Variants in ZNF385C observed in about 807,000 individuals in gnomAD.
The protein encoded by ZNF385C is zinc finger protein 385C, also known as CTD-2132N18.2.
Under a neutral mutation model 35.4 loss-of-function variants are expected in ZNF385C, and 28 were observed. That is an observed-to-expected ratio of 0.79 (90% CI 0.59 to 1.08). The LOEUF is 1.08. Ranked by LOEUF, ZNF385C falls within the 50% of genes least tolerant of loss-of-function variation. The probability of loss-of-function intolerance (pLI) is 0.00; values close to 1 mark genes in which losing one functional copy is unlikely to be tolerated. For missense variants in ZNF385C, 605 were observed against 595.6 expected (o/e 1.02, Z -0.16); for synonymous variants, 248 against 248.2 (o/e 1.00, Z 0.01).
At chr17:42,069,990 C>T (rs782193848) in intron 1 of ZNF385C, among the ~76,000 whole-genome samples, 17 of 151,716 alleles carry the variant, frequency 1.1e-4, no homozygotes, top group Admixed American at 4.6e-4. Context: ...TGCAATGAGC[C>T]GAGATTGCAC....
chr17:42,040,885 G>A (rs1555656080), intron 2 of ZNF385C: 6 of 1,232,244 alleles, frequency 4.9e-6, no homozygotes, highest in Middle Eastern at 3.1e-4. Flanking sequence ...CCGGAGCTGT[G>A]GGCCCACACT....
intron 1 of ZNF385C, among the ~76,000 whole-genome samples, chr17:42,080,277 TCTTA>T (rs2053734553): frequency 6.6e-6 from 1 of 152,176 alleles, no homozygotes; most frequent in Non-Finnish European, 1.5e-5. Context: ...CCACCTTTCC[TCTTA>T]CTTAAAGAGC....
intron 2 of ZNF385C, chr17:42,041,301 A>T (rs2053015456): frequency 1.1e-6 from 1 of 926,768 alleles, no homozygotes; most frequent in East Asian, 3.3e-5. Flanking sequence ...GGTTAGACAG[A>T]CTTAGGGACT....
intron 1 of ZNF385C, among the ~76,000 whole-genome samples, chr17:42,094,082 C>A (rs1555660792): frequency 6.6e-6 from 1 of 151,768 alleles, no homozygotes; most frequent in Non-Finnish European, 1.5e-5. Flanking sequence ...CTCCCAGGTA[C>A]AAACGATTCT....
rs190341719 is a variant in ZNF385C, at chr17:42,087,870, A to G, written c.-3+10540T>C. The stretch of plus-strand genomic sequence containing the variant: ...CTATAACCAATATACTGTTACAGCC[A>G]AATTTTGATGTCCTTTTGCACATAC... On this transcript the variant is annotated intron_variant, in intron 1 of 8. Coordinates refer to ENST00000692273, the MANE Select transcript of ZNF385C (RefSeq NM_001392013.1). Among the ~76,000 whole-genome samples the G allele has an allele frequency of 2.5e-3, 382 of 152,348 alleles. 1 individual carries two copies. Among genetic ancestry groups the G allele is most frequent in the Non-Finnish European group, 3.5e-3 (235 of 68,032 alleles).
chr17:42,054,606 G>A (rs1051569859), intron 2 of ZNF385C, among the ~76,000 whole-genome samples: 2 of 146,474 alleles, frequency 1.4e-5, no homozygotes, highest in African/African-American at 2.5e-5. Flanking sequence ...TTCTGAAGCA[G>A]TGTTTCGCCC....
intron 8 of ZNF385C, 61 bp from the exon 9 acceptor site, chr17:42,027,194 G>A: frequency 6.8e-7 from 1 of 1,469,248 alleles, no homozygotes; most frequent in Admixed American, 1.8e-5. Flanking sequence ...CCCCCTCCCT[G>A]GGGCCCATCC....
At chr17:42,067,872 GC>G (rs1315523165) in intron 1 of ZNF385C, among the ~76,000 whole-genome samples, 4 of 152,166 alleles carry the variant, frequency 2.6e-5, no homozygotes, top group Non-Finnish European at 5.9e-5. Context: ...AGAGCTGCCT[GC>G]CCCGCCAGCA....
At chr17:42,043,815 G>T (rs1335758645) in intron 2 of ZNF385C, among the ~76,000 whole-genome samples, 2 of 152,190 alleles carry the variant, frequency 1.3e-5, no homozygotes, top group Non-Finnish European at 2.9e-5. Flanking sequence ...GCACTAATTC[G>T]CTTTGACTGA....
intron 3 of ZNF385C, among the ~76,000 whole-genome samples, chr17:42,037,273 A>G (rs1223023509): frequency 2.6e-5 from 4 of 152,144 alleles, no homozygotes; most frequent in Non-Finnish European, 5.9e-5. Flanking sequence ...AAAATTACCC[A>G]TGCACAAAGA....
intron 1 of ZNF385C, among the ~76,000 whole-genome samples, chr17:42,087,278 G>A (rs1371785846): frequency 6.6e-6 from 1 of 152,166 alleles, no homozygotes; most frequent in East Asian, 1.9e-4. Context: ...TTTCCAATAA[G>A]TAGGCATATA....
At position 42,064,073 on chromosome 17, in the gene ZNF385C, T is replaced by TACATACACACAC. The variant is rs2053509641; in HGVS notation, c.-2-1016_-2-1015insGTGTGTGTATGT. 2.3e-5 allele frequency among the ~76,000 whole-genome samples: 3 copies of TACATACACACAC among 129,742 alleles called. No individual in the cohort carries two copies. The East Asian group carries it at 7.2e-4, about 31-fold the overall frequency. 85.1% of individuals were successfully genotyped at this position (129,742 alleles called of 152,430 possible). A position where few individuals can be genotyped will look rare whatever the true frequency, so the allele number is the denominator to read the frequency against. On this transcript the variant is annotated intron_variant, in intron 1 of 8. Coordinates refer to ENST00000692273, the MANE Select transcript of ZNF385C (RefSeq NM_001392013.1). Reference sequence around the variant, plus strand: ...GTCCCCCAACGCGCGCACACGCACATACACACACACACACACACACACACA... The same window carrying TACATACACACAC: ...GTCCCCCAACGCGCGCACACGCACATACATACACACACACACACACACACACACACACACACA...
At chr17:42,053,071 G>T (rs2053313967) in intron 2 of ZNF385C, among the ~76,000 whole-genome samples, 1 of 152,152 alleles carries the variant, frequency 6.6e-6, no homozygotes, top group Non-Finnish European at 1.5e-5. Flanking sequence ...CCATGGCCAG[G>T]GGGTTCCTCC....
intron 2 of ZNF385C, among the ~76,000 whole-genome samples, chr17:42,054,852 G>A (rs1483960666): frequency 5.3e-5 from 8 of 152,076 alleles, no homozygotes; most frequent in Non-Finnish European, 1.0e-4. Context: ...AAAGTGTTAG[G>A]ATTACAGGTG....
At chr17:42,033,785 C>T (rs981293528) in intron 4 of ZNF385C, among the ~76,000 whole-genome samples, 1 of 152,034 alleles carries the variant, frequency 6.6e-6, no homozygotes, top group Non-Finnish European at 1.5e-5. Flanking sequence ...AATCCCGCCT[C>T]CACCCGTCTC....
chr17:42,066,257 A>C (rs2053544848), intron 1 of ZNF385C, among the ~76,000 whole-genome samples: 2 of 151,916 alleles, frequency 1.3e-5, no homozygotes, highest in Admixed American at 1.3e-4. Context: ...ACAGGGTTTC[A>C]CAATGTTGGC....
intron 4 of ZNF385C, among the ~76,000 whole-genome samples, chr17:42,032,172 T>C (rs1211141316): frequency 2.0e-5 from 3 of 152,186 alleles, no homozygotes; most frequent in Non-Finnish European, 4.4e-5. Flanking sequence ...GCGATTCTTC[T>C]GCCTCAGCCT....
intron 2 of ZNF385C, among the ~76,000 whole-genome samples, chr17:42,048,088 T>TC (rs2053205450): frequency 6.6e-6 from 1 of 151,968 alleles, no homozygotes; most frequent in Admixed American, 6.6e-5. Context: ...GGAGGTCATC[T>TC]CCTCCCCCCC....
chr17:42,069,723 C>A (rs1208630747), intron 1 of ZNF385C, among the ~76,000 whole-genome samples: 2 of 152,230 alleles, frequency 1.3e-5, no homozygotes, highest in Non-Finnish European at 2.9e-5. Flanking sequence ...CCAGACCCTG[C>A]CTCGCTGGGC....
Sources: gnomAD v4.1 joint callset for allele counts (sites outside exome capture counted in the v4.1 genomes callset) on GRCh38, gnomAD v4.1.1 for gene constraint, MANE v1.5 for transcripts, NCBI Gene and HGNC (gene_info 2026-07-23, HGNC 2026-07-21) for gene names.